The following GDAP1 variants were observed in gnomAD, a reference collection of about 807,000 sequenced individuals.
GDAP1 encodes ganglioside induced differentiation associated protein 1.
Under a neutral mutation model 40.1 loss-of-function variants are expected in GDAP1, and 34 were observed. That is an observed-to-expected ratio of 0.85 (90% CI 0.64 to 1.13). GDAP1 has a LOEUF of 1.13. Ranked by LOEUF, GDAP1 falls within the 50% of genes most tolerant of loss-of-function variation. The pLI is 0.00. For missense variants in GDAP1, 374 were observed against 433.7 expected (o/e 0.86, Z 1.22); for synonymous variants, 170 against 157.4 (o/e 1.08, Z -0.60).
At chr8:74,426,584 G>A (rs897755398) in intron 2 of GDAP1, among the ~76,000 whole-genome samples, 7 of 152,116 alleles carry the variant, frequency 4.6e-5, no homozygotes, top group South Asian at 4.1e-4. Flanking sequence ...AATACTGATT[G>A]CTTTATTTCT....
At chr8:74,420,938 G>C (rs1163482892) in intron 2 of GDAP1, among the ~76,000 whole-genome samples, 3 of 151,898 alleles carry the variant, frequency 2.0e-5, no homozygotes, top group African/African-American at 7.3e-5. Flanking sequence ...TTTATTATAA[G>C]TATTTTTCTT....
At chr8:74,399,614 C>G (rs1810282489) in intron 2 of GDAP1, among the ~76,000 whole-genome samples, 1 of 137,172 alleles carries the variant, frequency 7.3e-6, no homozygotes, top group Non-Finnish European at 1.5e-5. Context: ...TTTGCTCTTG[C>G]TTTTCTAGTT....
At chr8:74,378,965 A>G (rs757759623) in intron 2 of GDAP1, among the ~76,000 whole-genome samples, 15 of 152,138 alleles carry the variant, frequency 9.9e-5, no homozygotes, top group Admixed American at 1.3e-4. Context: ...AGGGAATTTC[A>G]TAGTCCCTGG....
intron 2 of GDAP1, among the ~76,000 whole-genome samples, chr8:74,398,371 G>A (rs1037664585): frequency 1.3e-5 from 2 of 152,030 alleles, no homozygotes; most frequent in African/African-American, 4.8e-5. Context: ...CTGCATGTGA[G>A]ATGGGTTTCC....
At chr8:74,479,683 C>T (rs371456473) in intron 2 of GDAP1, among the ~76,000 whole-genome samples, 2 of 152,094 alleles carry the variant, frequency 1.3e-5, no homozygotes, top group Admixed American at 6.5e-5. Flanking sequence ...GCTAGGTTCT[C>T]GCCTATGTGT....
At chr8:74,407,029 A>G (rs1479044362) in intron 2 of GDAP1, among the ~76,000 whole-genome samples, 1 of 149,792 alleles carries the variant, frequency 6.7e-6, no homozygotes, top group Non-Finnish European at 1.5e-5. Flanking sequence ...TCTTCATTGG[A>G]GTTGGCATAC....
chr8:74,381,844 G>A (rs16938898), intron 2 of GDAP1, among the ~76,000 whole-genome samples: 6,409 of 151,652 alleles, frequency 0.042, 343 homozygotes, highest in African/African-American at 0.13. Flanking sequence ...AGAGGCGATT[G>A]GAATTCTGCA....
At chr8:74,372,255 A>G (rs2131531741) in intron 2 of GDAP1, among the ~76,000 whole-genome samples, 1 of 152,340 alleles carries the variant, frequency 6.6e-6, no homozygotes, top group African/African-American at 2.4e-5. Context: ...TTATAGCAGC[A>G]TGATTTATAA....
rs1253044421 is a variant in GDAP1 at position 74,403,952 on chromosome 8, A to G, written c.165+52631A>G. ...AAAATGTGTGAATAACCAGTCTTTA[A>G]ATATGAGCCTGTAAAAAAGAAAGAT... On this transcript the variant is annotated intron_variant, in intron 2 of 2. Coordinates refer to the GDAP1 transcript ENST00000523640. 5.3e-5 allele frequency among the ~76,000 whole-genome samples: 8 copies of G among 150,280 alleles called. No homozygotes were observed. In the East Asian group the frequency reaches 1.2e-3, roughly 22 times the overall value.
chr8:74,413,880 C>A (rs1401292253), intron 2 of GDAP1, among the ~76,000 whole-genome samples: 1 of 149,640 alleles, frequency 6.7e-6, no homozygotes, highest in Admixed American at 6.6e-5. Context: ...AGTACTGGAG[C>A]AATTTCAGAG....
In GDAP1 at chr8:74,415,773, C is replaced by T. The variant is rs1041903498; in HGVS notation, c.165+64452C>T. Reference sequence around the variant, plus strand: ...TTCCTGACCTTACTTCACAGTGGACCTCACAGAAGTCTGCCAGCTAACTCA... The same window carrying T: ...TTCCTGACCTTACTTCACAGTGGACTTCACAGAAGTCTGCCAGCTAACTCA... On this transcript the variant is annotated intron_variant, in intron 2 of 2. Transcript: ENST00000523640. 6.7e-5 allele frequency among the ~76,000 whole-genome samples: 10 copies of T among 149,966 alleles called. 3 individuals carry two copies. Among genetic ancestry groups the T allele is most frequent in the African/African-American group, 2.5e-4 (10 of 39,290 alleles).
intron 2 of GDAP1, among the ~76,000 whole-genome samples, chr8:74,482,711 T>C (rs1436440244): frequency 6.6e-6 from 1 of 152,210 alleles, no homozygotes; most frequent in Non-Finnish European, 1.5e-5. Flanking sequence ...CTTTCCTTAT[T>C]GTAAGTGAGA....
chr8:74,432,419 A>T (rs1806039428), intron 2 of GDAP1, among the ~76,000 whole-genome samples: 1 of 152,172 alleles, frequency 6.6e-6, no homozygotes, highest in African/African-American at 2.4e-5. Flanking sequence ...TTATGCTTAT[A>T]ATATTTGTCA....
At chr8:74,419,413 A>C (rs984590727) in intron 2 of GDAP1, among the ~76,000 whole-genome samples, 3 of 152,226 alleles carry the variant, frequency 2.0e-5, no homozygotes, top group Non-Finnish European at 2.9e-5. Context: ...AAGAGAGGCC[A>C]GTCTCAACAG....
Position 74,385,507 on chromosome 8 carries a change from C to CTCATCCTTT in GDAP1, c.165+34188_165+34196dup, listed in dbSNP as rs1353808370. On this transcript the variant is annotated intron_variant, in intron 2 of 2. Coordinates refer to the GDAP1 transcript ENST00000523640. ...TCCATGTCCCTGCAAAGAACACGAA[C>CTCATCCTTT]TCATCCTTTTTTGTGGTTACATAGT... 2.0e-5 allele frequency among the ~76,000 whole-genome samples: 3 copies of CTCATCCTTT among 152,138 alleles called. No homozygotes were observed. In the South Asian group the frequency reaches 6.2e-4, roughly 32 times the overall value.
Position 74,394,590 on chromosome 8 carries a change from A to G in GDAP1, c.165+43269A>G, listed in dbSNP as rs117330324. Among the ~76,000 whole-genome samples, 751 of 152,196 alleles carry G rather than the reference A, an allele frequency of 4.9e-3. 2 individuals are homozygous for G. Among genetic ancestry groups the G allele is most frequent in the Non-Finnish European group, 8.5e-3 (577 of 68,010 alleles). ...TAATGGTCACTTTTTAGCTTCCCCA[A>G]GCAGAGTTAGTCATTTTTTTTAAAG... On this transcript the variant is annotated intron_variant, in intron 2 of 2. Transcript: ENST00000523640.
intron 2 of GDAP1, among the ~76,000 whole-genome samples, chr8:74,478,828 C>T (rs557139699): frequency 5.4e-4 from 82 of 152,244 alleles, no homozygotes; most frequent in Non-Finnish European, 8.4e-4. Context: ...GCCAGGATGC[C>T]GGAGGACTAT....
At chr8:74,427,638 A>G (rs1805964044) in intron 2 of GDAP1, among the ~76,000 whole-genome samples, 1 of 152,202 alleles carries the variant, frequency 6.6e-6, no homozygotes, top group African/African-American at 2.4e-5. Context: ...TTTTTGAAGT[A>G]TAGGTTATTA....
intron 2 of GDAP1, among the ~76,000 whole-genome samples, chr8:74,457,720 A>G (rs1806353537): frequency 6.6e-6 from 1 of 152,090 alleles, no homozygotes; most frequent in South Asian, 2.1e-4. Flanking sequence ...CCCTTTTTCC[A>G]AAGAAGACTT....
Sources: gnomAD v4.1 joint callset for allele counts (sites outside exome capture counted in the v4.1 genomes callset) on GRCh38, gnomAD v4.1.1 for gene constraint, MANE v1.5 for transcripts, NCBI Gene and HGNC (gene_info 2026-07-23, HGNC 2026-07-21) for gene names.